The following PSD3 variants were observed in gnomAD, a reference collection of about 807,000 sequenced individuals.
The protein encoded by PSD3 is pleckstrin and Sec7 domain containing 3.
Under a neutral mutation model 105.5 loss-of-function variants are expected in PSD3, and 49 were observed. That is an observed-to-expected ratio of 0.46 (90% CI 0.37 to 0.59). The LOEUF (loss-of-function observed/expected upper bound fraction) is 0.59, where lower values mean the gene tolerates loss of function less well. Among genes scored for constraint, PSD3 ranks in the 20% least tolerant of loss-of-function variants. The pLI, the probability that PSD3 is intolerant of heterozygous loss-of-function variation, is 0.00. For synonymous variants in PSD3, 557 were observed against 457.8 expected (o/e 1.22, Z -2.77); for missense variants, 1,561 against 1,263.8 (o/e 1.24, Z -3.57).
chr8:18,743,775 A>T (rs376470718), intron 9 of PSD3, among the ~76,000 whole-genome samples: 1 of 84 alleles, frequency 0.012, no homozygotes, highest in Non-Finnish European at 0.038. Flanking sequence ...TGTCTCTATT[A>T]AAAAAAAAAA....
intron 11 of PSD3, among the ~76,000 whole-genome samples, chr8:18,623,165 G>A (rs1292547337): frequency 1.1e-4 from 17 of 152,006 alleles, no homozygotes; most frequent in East Asian, 1.9e-4. Context: ...GATTACAGGC[G>A]TGAGCCACTG....
chr8:18,531,511 G>T lies in PSD3; in HGVS notation c.*4232C>A, dbSNP rs529044342. The T allele has an allele frequency of 6.6e-6, 1 of 152,212 alleles. No homozygotes were observed. The highest frequency in any genetic ancestry group is 2.4e-5 in the African/African-American group (1 of 41,448). The allele number at this position is 152,212 out of a possible 1,614,324, so 9.4% of individuals were successfully genotyped here. A position where few individuals can be genotyped will look rare whatever the true frequency, so the allele number is the denominator to read the frequency against. On this transcript the variant is annotated 3_prime_UTR_variant, in exon 16 of 16. Transcript: ENST00000327040. ...CAATAATCTATCACGGGGTTATTCT[G>T]TGATGATTTGATCATGTAAGATGCT...
At chr8:18,799,930 G>T (rs1810535280) in intron 7 of PSD3, among the ~76,000 whole-genome samples, 1 of 152,096 alleles carries the variant, frequency 6.6e-6, no homozygotes, top group Non-Finnish European at 1.5e-5. Flanking sequence ...TAAATTAGAA[G>T]GTCTAATTAT....
chr8:18,558,989 A>G (rs1801239818), intron 14 of PSD3, among the ~76,000 whole-genome samples: 1 of 152,078 alleles, frequency 6.6e-6, no homozygotes, highest in Admixed American at 6.6e-5. Context: ...ATAGTACCCC[A>G]CTGCAGGACA....
intron 9 of PSD3, among the ~76,000 whole-genome samples, chr8:18,705,016 T>A (rs2129418690): frequency 6.6e-6 from 1 of 151,890 alleles, no homozygotes; most frequent in Admixed American, 6.6e-5. Flanking sequence ...AAAATGCAAA[T>A]CGAGACAATG....
intron 11 of PSD3, among the ~76,000 whole-genome samples, chr8:18,614,304 C>G (rs1368707500): frequency 6.6e-6 from 1 of 152,096 alleles, no homozygotes; most frequent in African/African-American, 2.4e-5. Context: ...TGGTTTGTTG[C>G]TGCAACCACA....
intron 1 of PSD3, among the ~76,000 whole-genome samples, chr8:19,022,000 C>T (rs2129475907): frequency 1.3e-5 from 2 of 152,332 alleles, no homozygotes; most frequent in South Asian, 4.1e-4. Context: ...AGAGCACCAA[C>T]ATCTGCTCAG....
At chr8:18,643,453 C>G (rs1190665951) in intron 10 of PSD3, among the ~76,000 whole-genome samples, 2 of 152,192 alleles carry the variant, frequency 1.3e-5, no homozygotes, top group Non-Finnish European at 2.9e-5. Context: ...TGACCTAAAT[C>G]AGATACAGGT....
intron 10 of PSD3, among the ~76,000 whole-genome samples, chr8:18,647,605 G>GTTT (rs11293600): frequency 2.5e-5 from 3 of 117,764 alleles, no homozygotes; most frequent in Admixed American, 8.6e-5. Context: ...ATTTAAAACT[G>GTTT]TTTTTTTTTT....
intron 4 of PSD3, among the ~76,000 whole-genome samples, chr8:18,823,170 T>G (rs1285881603): frequency 6.6e-6 from 1 of 151,250 alleles, no homozygotes; most frequent in Non-Finnish European, 1.5e-5. Context: ...GACCTGCCAG[T>G]CTGGAACTTC....
intron 12 of PSD3, among the ~76,000 whole-genome samples, chr8:18,580,158 A>T (rs1248113510): frequency 2.0e-5 from 3 of 152,162 alleles, no homozygotes. Flanking sequence ...CTATTTCAAC[A>T]TGTAAAAGAG....
intron 9 of PSD3, among the ~76,000 whole-genome samples, chr8:18,679,419 T>C (rs973354719): frequency 2.0e-5 from 3 of 152,206 alleles, no homozygotes; most frequent in Non-Finnish European, 4.4e-5. Flanking sequence ...GAGCAGAGGT[T>C]TGGAGCAAAG....
chr8:18,711,084 A>G (rs1023467290), intron 9 of PSD3, among the ~76,000 whole-genome samples: 1 of 152,196 alleles, frequency 6.6e-6, no homozygotes, highest in African/African-American at 2.4e-5. Context: ...AGACAAGCAA[A>G]TGATGACAGA....
intron 1 of PSD3, among the ~76,000 whole-genome samples, chr8:19,006,896 G>A (rs1472283354): frequency 6.6e-6 from 1 of 151,966 alleles, no homozygotes; most frequent in Non-Finnish European, 1.5e-5. Context: ...ATTATTCACT[G>A]TGATACTAGG....
At chr8:18,986,773 A>G (rs1011711221) in intron 1 of PSD3, among the ~76,000 whole-genome samples, 4 of 152,144 alleles carry the variant, frequency 2.6e-5, no homozygotes, top group Non-Finnish European at 4.4e-5. Flanking sequence ...AGAGTACTCC[A>G]TTAAGGGAAG....
At chr8:19,079,012 G>A (rs1456528250) in intron 1 of PSD3, among the ~76,000 whole-genome samples, 4 of 151,956 alleles carry the variant, frequency 2.6e-5, no homozygotes, top group Non-Finnish European at 4.4e-5. Context: ...CAGCTGTAAA[G>A]GTGTCCTTGC....
intron 9 of PSD3, among the ~76,000 whole-genome samples, chr8:18,750,997 C>T (rs1239289334): frequency 2.6e-5 from 4 of 152,278 alleles, no homozygotes; most frequent in East Asian, 3.9e-4. Context: ...GATCCCGCAC[C>T]GGGGCTGCAG....
chr8:18,716,044 C>T (rs899093937), intron 9 of PSD3, among the ~76,000 whole-genome samples: 16 of 152,284 alleles, frequency 1.1e-4, no homozygotes, highest in African/African-American at 2.9e-4. Flanking sequence ...CAGAGCATAA[C>T]GGCAGGAGTG....
intron 9 of PSD3, among the ~76,000 whole-genome samples, chr8:18,761,729 T>C (rs1264418927): frequency 1.3e-5 from 2 of 152,182 alleles, no homozygotes; most frequent in East Asian, 1.9e-4. Flanking sequence ...ACAAAATCTA[T>C]CAGACCCAAA....
Sources: gnomAD v4.1 joint callset for allele counts (sites outside exome capture counted in the v4.1 genomes callset) on GRCh38, gnomAD v4.1.1 for gene constraint, MANE v1.5 for transcripts, NCBI Gene and HGNC (gene_info 2026-07-23, HGNC 2026-07-21) for gene names.